Variants in SNX30 observed in about 807,000 individuals in gnomAD.
SNX30 encodes the protein sorting nexin family member 30.
Under a neutral mutation model 46.4 loss-of-function variants are expected in SNX30, and 24 were observed. That is an observed-to-expected ratio of 0.52 (90% CI 0.37 to 0.73). The LOEUF is 0.73. Among genes scored for constraint, SNX30 ranks in the 30% least tolerant of loss-of-function variants. SNX30 has a pLI of 0.00. For synonymous variants in SNX30, 189 were observed against 211.5 expected, an observed-to-expected ratio of 0.89 and a Z score of 0.92; for missense variants, 533 against 555.7, an observed-to-expected ratio of 0.96 and a Z score of 0.41.
rs189505267 is a variant in SNX30, at chr9:112,843,961, A to C, written c.1014+5264A>C. The stretch of plus-strand genomic sequence containing the variant: ...ACTAGAAGAGAAGCCATTTGGTTTT[A>C]TGCAGGGGGATGACAGGATGTGATT... On this transcript the variant is annotated intron_variant, in intron 6 of 8. Transcript: ENST00000374232. Among the ~76,000 whole-genome samples the C allele has an allele frequency of 4.4e-3, 675 of 152,270 alleles. 1 individual carries two copies. The highest frequency in any genetic ancestry group is 0.014 in the Middle Eastern group (4 of 294).
chr9:112,844,052 T>C (rs1840901061), intron 6 of SNX30, among the ~76,000 whole-genome samples: 1 of 152,054 alleles, frequency 6.6e-6, no homozygotes, highest in Non-Finnish European at 1.5e-5. Flanking sequence ...AGAGTGGTGA[T>C]TGGGAAGGCC....
chr9:112,851,222 G>A (rs964416281), intron 7 of SNX30, among the ~76,000 whole-genome samples: 1 of 152,158 alleles, frequency 6.6e-6, no homozygotes, highest in Non-Finnish European at 1.5e-5. Flanking sequence ...CCATAAAATG[G>A]CATTGCAGAG....
intron 2 of SNX30, among the ~76,000 whole-genome samples, chr9:112,814,225 A>T (rs1840362784): frequency 6.6e-6 from 1 of 152,048 alleles, no homozygotes; most frequent in Non-Finnish European, 1.5e-5. Flanking sequence ...AAAAGACTTG[A>T]CTCAATTTTT....
chr9:112,769,956 C>T (rs888665085), intron 1 of SNX30, among the ~76,000 whole-genome samples: 2 of 151,992 alleles, frequency 1.3e-5, no homozygotes, highest in Non-Finnish European at 2.9e-5. Flanking sequence ...TTCTGAAATA[C>T]CATGTCCAGA....
At chr9:112,776,608 T>C (rs535736935) in intron 1 of SNX30, among the ~76,000 whole-genome samples, 1 of 152,366 alleles carries the variant, frequency 6.6e-6, no homozygotes, top group East Asian at 1.9e-4. Flanking sequence ...GGGTGCATAT[T>C]TGTGTAGCCA....
intron 3 of SNX30, among the ~76,000 whole-genome samples, chr9:112,821,851 G>A (rs571123526): frequency 7.4e-4 from 113 of 152,058 alleles, no homozygotes; most frequent in Non-Finnish European, 1.2e-3. Context: ...GAGTGCAGTG[G>A]TATGATCACA....
chr9:112,750,469 G>A (rs1198439890), upstream of SNX30: 1 of 152,258 alleles, frequency 6.6e-6, no homozygotes, highest in Non-Finnish European at 1.5e-5. Flanking sequence ...GTAAACGCGG[G>A]TGGAACGGAA....
At chr9:112,847,111 A>G (rs1588136950) in intron 6 of SNX30, among the ~76,000 whole-genome samples, 1 of 152,230 alleles carries the variant, frequency 6.6e-6, no homozygotes, top group Non-Finnish European at 1.5e-5. Flanking sequence ...TGACATAACT[A>G]TAGACCTCTT....
downstream of SNX30, among the ~76,000 whole-genome samples, chr9:112,882,645 A>G (rs915875227): frequency 3.3e-5 from 5 of 152,030 alleles, no homozygotes; most frequent in Admixed American, 1.3e-4. Context: ...TTTGAGACAT[A>G]TTTTGGAGGT....
downstream of SNX30, among the ~76,000 whole-genome samples, chr9:112,882,691 G>T (rs527517869): frequency 3.9e-5 from 6 of 151,988 alleles, no homozygotes; most frequent in Non-Finnish European, 8.8e-5. Context: ...ATTGGAGGTG[G>T]GGGGAGATGA....
intron 1 of SNX30, among the ~76,000 whole-genome samples, chr9:112,788,603 G>A (rs767426550): frequency 4.6e-5 from 7 of 152,160 alleles, no homozygotes; most frequent in East Asian, 1.9e-4. Flanking sequence ...TGCTTGTTAC[G>A]TATAAGACTT....
intron 1 of SNX30, among the ~76,000 whole-genome samples, chr9:112,759,017 T>C (rs770427374): frequency 1.3e-5 from 2 of 152,028 alleles, no homozygotes; most frequent in Non-Finnish European, 2.9e-5. Flanking sequence ...TGTTCTTTTC[T>C]CCTCCATCTG....
At position 112,830,852 on chromosome 9, in the gene SNX30, A is replaced by G. The variant is rs376468745; in HGVS notation, c.587A>G (p.Asn196Ser). The G allele has an allele frequency of 3.6e-4, 575 of 1,613,364 alleles. No homozygotes were observed. The highest frequency in any genetic ancestry group is 1.8e-3 in the Middle Eastern group (11 of 6,056). The change falls in exon 4 of 9, where the codon AAT (asparagine) becomes AGT (serine). Residue 196 changes from asparagine (N) to serine (S), a missense_variant. By Grantham distance (46) the Asn-to-Ser change is conservative. Coordinates refer to ENST00000374232, the MANE Select transcript of SNX30 (RefSeq NM_001012994.2). The part of the protein sequence containing the change: ...RITDHPVLSF[N>S]EHFNIFLTAK... ...ACGGACCATCCTGTGCTGTCTTTCA[A>G]TGAACACTTTAATATTTTCCTTACT...
chr9:112,778,786 C>T (rs1438583267), intron 1 of SNX30, among the ~76,000 whole-genome samples: 2 of 152,126 alleles, frequency 1.3e-5, no homozygotes, highest in Non-Finnish European at 2.9e-5. Flanking sequence ...CATGCTTTCT[C>T]ACACCTTATG....
Position 112,850,949 on chromosome 9 carries a change from A to G in SNX30, c.1101+4A>G. ...GCGGAAGGAAGACCGCCCCAAGGTC[A>G]GGGAAGCCACCTGGGAAGGGCTGCA... On this transcript the variant is annotated splice_donor_region_variant and intron_variant, in intron 7 of 8. Coordinates refer to ENST00000374232, the MANE Select transcript of SNX30 (RefSeq NM_001012994.2). 6.2e-7 allele frequency: 1 copy of G among 1,613,458 alleles called. No homozygotes were observed. The highest frequency in any genetic ancestry group is 8.5e-7 in the Non-Finnish European group (1 of 1,179,478).
rs575287572 is a variant in SNX30 at position 112,841,190 on chromosome 9, G to A, written c.1014+2493G>A. 2.6e-3 allele frequency among the ~76,000 whole-genome samples: 397 copies of A among 152,292 alleles called. 3 individuals carry two copies. Among genetic ancestry groups the A allele is most frequent in the Admixed American group, 5.8e-3 (89 of 15,294 alleles). On this transcript the variant is annotated intron_variant, in intron 6 of 8. Coordinates refer to ENST00000374232, the MANE Select transcript of SNX30 (RefSeq NM_001012994.2). ...AGATGAAAAATCCAATGCATACACA[G>A]CACTGGGATACTATAGTACAAATTA...
chr9:112,848,418 C>T lies in SNX30; in HGVS notation c.1015-2441C>T, dbSNP rs564425171. ...TGGTAGTCAGCAGTTTGTCTTGATT[C>T]AGAACACGTTGCCCAACCTTCAGCG... is the stretch of plus-strand genomic sequence containing the variant. On this transcript the variant is annotated intron_variant, in intron 6 of 8. Transcript: ENST00000374232. Among the ~76,000 whole-genome samples the T allele has an allele frequency of 4.8e-4, 73 of 152,274 alleles. No individual in the cohort carries two copies. In the South Asian group the frequency reaches 6.4e-3, roughly 13 times the overall value.
chr9:112,777,193 T>A (rs1839760211), intron 1 of SNX30, among the ~76,000 whole-genome samples: 2 of 152,220 alleles, frequency 1.3e-5, no homozygotes, highest in South Asian at 4.1e-4. Context: ...TATTGATTGA[T>A]GGCATCCGTT....
At chr9:112,863,589 AT>A (rs533391573) in intron 7 of SNX30, among the ~76,000 whole-genome samples, 29 of 152,342 alleles carry the variant, frequency 1.9e-4, no homozygotes, top group Admixed American at 5.9e-4. Context: ...TGAATTTCAA[AT>A]TTTTTTGACA....
Sources: allele counts gnomAD v4.1 joint callset (sites outside exome capture counted in the v4.1 genomes callset), GRCh38; gene constraint gnomAD v4.1.1; transcripts MANE v1.5; gene names NCBI Gene and HGNC (gene_info 2026-07-23, HGNC 2026-07-21).